UGGT1: variants seen among roughly 807,000 people sequenced by gnomAD.
UGGT1 encodes the protein UDP-glucose:glycoprotein glucosyltransferase 1.
UGGT1 carries 107 observed loss-of-function variants against 203.9 expected under a neutral mutation model. The observed-to-expected ratio is 0.52, with a 90% CI of 0.45 to 0.62. The LOEUF (loss-of-function observed/expected upper bound fraction) is 0.62, where lower values mean the gene tolerates loss of function less well. Ranked by LOEUF, UGGT1 falls within the 20% of genes least tolerant of loss-of-function variation. The pLI is 0.00. For missense variants in UGGT1, 1,673 were observed against 1,867.2 expected (o/e 0.90, Z 1.92); for synonymous variants, 628 against 653.5 (o/e 0.96, Z 0.59).
At chr2:128,106,197 ATTAAG>A (rs1190259279) in intron 3 of UGGT1, among the ~76,000 whole-genome samples, 1 of 151,924 alleles carries the variant, frequency 6.6e-6, no homozygotes, top group Admixed American at 6.6e-5. Context: ...GGCAACTAGA[ATTAAG>A]TTATCAAAAA....
intron 32 of UGGT1, among the ~76,000 whole-genome samples, chr2:128,177,285 G>T (rs1053093361): frequency 2.0e-5 from 3 of 152,128 alleles, no homozygotes; most frequent in African/African-American, 7.2e-5. Context: ...TTCTCTGAAT[G>T]TTGAAGCTCT....
intron 7 of UGGT1, among the ~76,000 whole-genome samples, chr2:128,115,950 C>T (rs896416797): frequency 3.3e-5 from 5 of 152,032 alleles, no homozygotes; most frequent in African/African-American, 9.7e-5. Flanking sequence ...TAGTGTTTGA[C>T]TATTAATTTC....
chr2:128,159,868 CT>C, intron 23 of UGGT1, 148 bp downstream of exon 23: 1 of 817,410 alleles, frequency 1.2e-6, no homozygotes. Context: ...GGAAGTTTCC[CT>C]TTATTACTTT....
chr2:128,165,574 GTAATACCAGC>G (rs1690747004), intron 26 of UGGT1, among the ~76,000 whole-genome samples: 1 of 152,056 alleles, frequency 6.6e-6, no homozygotes, highest in South Asian at 2.1e-4. Context: ...GCAGATGCCT[GTAATACCAGC>G]TACTCAGGAG....
intron 15 of UGGT1, among the ~76,000 whole-genome samples, chr2:128,137,468 T>A (rs1389993537): frequency 1.3e-5 from 2 of 152,206 alleles, no homozygotes; most frequent in Non-Finnish European, 2.9e-5. Flanking sequence ...TATCAGATGG[T>A]TGTTTTGCAA....
chr2:128,126,684 C>T (rs75180642), intron 11 of UGGT1, among the ~76,000 whole-genome samples: 12 of 119,700 alleles, frequency 1.0e-4, no homozygotes, highest in South Asian at 2.8e-4. Context: ...CAGGGTCAGT[C>T]TTTTTTTTTT....
At chr2:128,106,648 G>A (rs147366708) in intron 3 of UGGT1, among the ~76,000 whole-genome samples, 4,599 of 152,186 alleles carry the variant, frequency 0.03, 104 homozygotes, top group Non-Finnish European at 0.046. Context: ...TGCAACCTCT[G>A]CCTCCCGGAT....
chr2:128,128,428 C>T (rs1389349807), intron 12 of UGGT1, among the ~76,000 whole-genome samples: 1 of 151,822 alleles, frequency 6.6e-6, no homozygotes, highest in Non-Finnish European at 1.5e-5. Context: ...TCTCCTGCCT[C>T]ACCCTTCTGA....
intron 3 of UGGT1, among the ~76,000 whole-genome samples, chr2:128,107,276 C>T (rs1020664081): frequency 2.6e-5 from 4 of 151,912 alleles, no homozygotes; most frequent in Admixed American, 6.6e-5. Context: ...TTTTCACATT[C>T]GTATTTGGAT....
chr2:128,119,424 ACT>A (rs1378249143), intron 8 of UGGT1, among the ~76,000 whole-genome samples: 4 of 151,906 alleles, frequency 2.6e-5, no homozygotes, highest in East Asian at 1.9e-4. Context: ...CAAGAGTGAA[ACT>A]CTGTCTCAAA....
At chr2:128,157,222 A>T (rs761517770) in intron 21 of UGGT1, 30 bp from the exon 22 acceptor site, 3 of 1,494,206 alleles carry the variant, frequency 2.0e-6, no homozygotes, top group Admixed American at 3.3e-5. Flanking sequence ...CTCTCCTCTG[A>T]CTCAATTAGC....
At position 128,101,440 on chromosome 2, in the gene UGGT1, T is replaced by C. The variant is rs73957669; in HGVS notation, c.195-2492T>C. Among the ~76,000 whole-genome samples the C allele has an allele frequency of 9.5e-3, 1,451 of 152,346 alleles. 22 individuals are homozygous for C. The highest frequency in any genetic ancestry group is 0.032 in the African/African-American group (1,326 of 41,574). ...AGCTTTGTGATTGTCTATGAAGTGA[T>C]ATTTATCTTTAATTGAAGTAAAACA... On this transcript the variant is annotated intron_variant, in intron 2 of 40. Transcript: ENST00000259253.
chr2:128,126,476 A>G (rs1688605170), intron 11 of UGGT1, among the ~76,000 whole-genome samples: 1 of 151,992 alleles, frequency 6.6e-6, no homozygotes, highest in Non-Finnish European at 1.5e-5. Context: ...TCCTGACCTC[A>G]GGTAATCCAC....
chr2:128,180,664 T>A (rs1178712822), intron 35 of UGGT1, among the ~76,000 whole-genome samples: 1 of 152,246 alleles, frequency 6.6e-6, no homozygotes, highest in Non-Finnish European at 1.5e-5. Context: ...TTGAACATTC[T>A]GTCATTTCAT....
chr2:128,115,581 A>G (rs1452143354), intron 7 of UGGT1, among the ~76,000 whole-genome samples: 1 of 151,254 alleles, frequency 6.6e-6, no homozygotes, highest in African/African-American at 2.4e-5. Flanking sequence ...ATTGTTGTTG[A>G]TGTTATAGGG....
At chr2:128,143,979 G>A (rs1689562692) in intron 17 of UGGT1, among the ~76,000 whole-genome samples, 1 of 152,116 alleles carries the variant, frequency 6.6e-6, no homozygotes, top group Admixed American at 6.5e-5. Context: ...GTGAAGCTAT[G>A]ATATCTTCTG....
Position 128,159,642 on chromosome 2 carries a change from C to T in UGGT1, c.2484C>T (p.Asn828=). ...LQTQTSNAAK[N]FITKMAKEGA... The stretch of plus-strand genomic sequence containing the variant: ...CTCAGACTTCCAACGCTGCTAAGAA[C>T]TTCATCACCAAAATGGCCAAGGAGG... Residue 828 remains asparagine, a synonymous_variant, in exon 23 of 41, where the codon AAC becomes AAT. Transcript: ENST00000259253. 5 of 1,614,170 alleles carry T rather than the reference C, an allele frequency of 3.1e-6. No homozygotes were observed. The highest frequency in any genetic ancestry group is 4.2e-6 in the Non-Finnish European group (5 of 1,180,038).
chr2:128,107,471 T>C (rs2105354896), intron 3 of UGGT1, among the ~76,000 whole-genome samples: 1 of 152,364 alleles, frequency 6.6e-6, no homozygotes, highest in South Asian at 2.1e-4. Flanking sequence ...GGTCATAGCC[T>C]CTTCCTCTGG....
intron 26 of UGGT1, among the ~76,000 whole-genome samples, chr2:128,165,386 C>A (rs543630443): frequency 1.3e-5 from 2 of 152,200 alleles, no homozygotes; most frequent in South Asian, 4.1e-4. Context: ...AGACTGAGAC[C>A]CTGTCTCACA....
Sources: gnomAD v4.1 joint callset for allele counts (sites outside exome capture counted in the v4.1 genomes callset) on GRCh38, gnomAD v4.1.1 for gene constraint, MANE v1.5 for transcripts, NCBI Gene and HGNC (gene_info 2026-07-23, HGNC 2026-07-21) for gene names.